The following GALNTL5 variants were observed in gnomAD, a reference collection of about 807,000 sequenced individuals.
GALNTL5 encodes the protein polypeptide N-acetylgalactosaminyltransferase like 5.
A neutral mutation model predicts 51.0 loss-of-function variants in GALNTL5; 44 were observed. The ratio of observed to expected loss-of-function variants is 0.86; its 90% CI spans 0.68 to 1.11. The LOEUF is 1.11. Ranked by LOEUF, GALNTL5 falls within the 50% of genes least tolerant of loss-of-function variation. GALNTL5 has a pLI of 0.00. For missense variants in GALNTL5, 528 were observed against 531.8 expected (o/e 0.99, Z 0.07); for synonymous variants, 192 against 182.8 (o/e 1.05, Z -0.41).
rs756025175 is a variant in GALNTL5, at chr7:152,014,675, T to A, written c.1058T>A (p.Ile353Asn). The A allele has an allele frequency of 6.2e-6, 10 of 1,612,242 alleles. No homozygotes were observed. The highest frequency in any genetic ancestry group is 1.7e-5 in the Admixed American group (1 of 59,570). ...ATGTGTGGAGGCCAACTCTTTATAA[T>A]CCCCTGCTCTCGAGTAGGACATATC... ...IWMCGGQLFI[I>N]PCSRVGHISK... Residue 353 changes from isoleucine to asparagine, a missense_variant, in exon 8 of 9, where the codon ATC becomes AAC. Coordinates refer to ENST00000392800, the MANE Select transcript of GALNTL5 (RefSeq NM_145292.4).
At chr7:151,986,373 G>T (rs7793942) in intron 4 of GALNTL5, among the ~76,000 whole-genome samples, 149,498 of 152,298 alleles carry the variant, frequency 0.98, 73,437 homozygotes, top group East Asian at 1. Flanking sequence ...GGTGGCTCAC[G>T]CCTATAATCC....
chr7:151,968,663 G>A (rs770100005), intron 2 of GALNTL5, among the ~76,000 whole-genome samples: 5 of 152,216 alleles, frequency 3.3e-5, no homozygotes, highest in Admixed American at 6.5e-5. Flanking sequence ...TGGGATGTGA[G>A]TAGAACCTGA....
rs142139884 is a variant in GALNTL5, at chr7:152,010,856, T to TG, written c.1026+2917dup. On this transcript the variant is annotated intron_variant, in intron 7 of 8. Coordinates refer to ENST00000392800, the MANE Select transcript of GALNTL5 (RefSeq NM_145292.4). ...CTAAAAGGAGAACCTAGCCTTCTCT[T>TG]GGGGGATTATGTGTCTTAGATGGCT... Among the ~76,000 whole-genome samples the TG allele has an allele frequency of 9.2e-3, 1,397 of 152,284 alleles. 17 individuals carry two copies. The highest frequency in any genetic ancestry group is 0.033 in the African/African-American group (1,356 of 41,556).
At chr7:151,982,950 G>T (rs1364769557) in intron 3 of GALNTL5, 36 bp from the exon 4 acceptor site, 2 of 1,613,744 alleles carry the variant, frequency 1.2e-6, no homozygotes, top group Admixed American at 3.3e-5. Flanking sequence ...AAGGCATTTA[G>T]ATGGATGGTT....
chr7:151,968,126 C>T (rs760688707), intron 2 of GALNTL5, among the ~76,000 whole-genome samples: 21 of 151,898 alleles, frequency 1.4e-4, no homozygotes, highest in Non-Finnish European at 2.9e-4. Flanking sequence ...CAAGACACCA[C>T]CTCAACAAAA....
At chr7:152,010,768 C>CAA (rs112899259) in intron 7 of GALNTL5, among the ~76,000 whole-genome samples, 3 of 108,616 alleles carry the variant, frequency 2.8e-5, no homozygotes, top group African/African-American at 9.9e-5. Flanking sequence ...GACTCTGTCT[C>CAA]AAAAAAAAAA....
At chr7:151,981,036 C>T (rs537227862) in intron 3 of GALNTL5, among the ~76,000 whole-genome samples, 55 of 152,172 alleles carry the variant, frequency 3.6e-4, no homozygotes, top group South Asian at 6.2e-4. Context: ...TGAGCCACCG[C>T]GCCCGGCCAC....
At chr7:152,018,777 C>A (rs530927392) in intron 8 of GALNTL5, among the ~76,000 whole-genome samples, 3 of 152,128 alleles carry the variant, frequency 2.0e-5, no homozygotes. Flanking sequence ...TGGCAGAATG[C>A]GATGGCAAAG....
chr7:152,010,594 C>G (rs928758834), intron 7 of GALNTL5, among the ~76,000 whole-genome samples: 1 of 151,714 alleles, frequency 6.6e-6, no homozygotes, highest in East Asian at 2.0e-4. Context: ...ATGGTGAAAC[C>G]CCGTCTCTTC....
At chr7:151,982,881 G>T in intron 3 of GALNTL5, 105 bp from the exon 4 acceptor site, 1 of 1,599,310 alleles carries the variant, frequency 6.3e-7, no homozygotes, top group Non-Finnish European at 8.5e-7. Context: ...AGTTGAAGGA[G>T]TAAAGAGTCA....
chr7:151,972,996 C>A (rs191616999), intron 3 of GALNTL5, among the ~76,000 whole-genome samples: 98 of 152,214 alleles, frequency 6.4e-4, no homozygotes, highest in African/African-American at 2.2e-3. Context: ...TTGCACCATG[C>A]ACTTGGAAAA....
intron 4 of GALNTL5, 29 bp from the exon 5 acceptor site, chr7:151,987,130 A>G (rs779971480): frequency 6.4e-7 from 1 of 1,560,734 alleles, no homozygotes; most frequent in African/African-American, 1.4e-5. Flanking sequence ...TGCCGTTTAT[A>G]CATTCTCATG....
intron 7 of GALNTL5, among the ~76,000 whole-genome samples, chr7:152,014,417 G>A (rs113127171): frequency 0.024 from 3,629 of 152,140 alleles, 135 homozygotes; most frequent in African/African-American, 0.083. Context: ...ACAGGCATGC[G>A]CCACCACGCC....
At position 152,013,358 on chromosome 7, in the gene GALNTL5, A is replaced by G. The variant is rs146932017; in HGVS notation, c.1027-1286A>G. On this transcript the variant is annotated intron_variant, in intron 7 of 8. Transcript: ENST00000392800. ...AACTGAAAACAAAAGTTGGAAAGAA[A>G]AAAAAAAACAAAAACTGGTGTTAGG... Among the ~76,000 whole-genome samples the G allele has an allele frequency of 1.7e-3, 264 of 152,286 alleles. 7 individuals carry two copies. Among genetic ancestry groups the G allele is most frequent in the African/African-American group, 6.0e-3 (249 of 41,564 alleles).
intron 6 of GALNTL5, among the ~76,000 whole-genome samples, chr7:152,006,792 G>A (rs1042944073): frequency 3.3e-5 from 5 of 151,832 alleles, no homozygotes; most frequent in African/African-American, 9.7e-5. Context: ...TGGGGGGGGC[G>A]GGACAGATTC....
At chr7:151,986,045 A>T (rs2081356437) in intron 4 of GALNTL5, 1 of 152,248 alleles carries the variant, frequency 6.6e-6, no homozygotes, top group African/African-American at 2.4e-5. Context: ...CTCCTTTATC[A>T]TCATTGTATT....
intron 6 of GALNTL5, among the ~76,000 whole-genome samples, chr7:152,005,910 A>G (rs187100850): frequency 6.6e-6 from 1 of 152,256 alleles, no homozygotes; most frequent in East Asian, 1.9e-4. Flanking sequence ...TTCAATCATG[A>G]GTCTGGAGTT....
intron 1 of GALNTL5, among the ~76,000 whole-genome samples, chr7:151,961,878 A>G (rs1469790967): frequency 1.3e-5 from 2 of 152,328 alleles, no homozygotes; most frequent in South Asian, 2.1e-4. Flanking sequence ...TATAAAAAAT[A>G]AAATAAAAAC....
At chr7:151,990,394 C>T (rs2081411795) in intron 5 of GALNTL5, among the ~76,000 whole-genome samples, 1 of 151,402 alleles carries the variant, frequency 6.6e-6, no homozygotes, top group East Asian at 2.0e-4. Flanking sequence ...CACTGGCTAA[C>T]ACAGTGAAAC....
Sources: allele counts gnomAD v4.1 joint callset (sites outside exome capture counted in the v4.1 genomes callset), GRCh38; gene constraint gnomAD v4.1.1; transcripts MANE v1.5; gene names NCBI Gene and HGNC (gene_info 2026-07-23, HGNC 2026-07-21).